The following BRINP2 variants were observed in gnomAD, a reference collection of about 807,000 sequenced individuals.
BRINP2 encodes the protein BMP/retinoic acid inducible neural specific 2.
Under a neutral mutation model 69.2 loss-of-function variants are expected in BRINP2, and 21 were observed. The ratio of observed to expected loss-of-function variants is 0.30; its 90% CI spans 0.22 to 0.44. The LOEUF is 0.44. Among genes scored for constraint, BRINP2 ranks in the 20% least tolerant of loss-of-function variants. The probability of loss-of-function intolerance (pLI) is 1.00; values close to 1 mark genes in which losing one functional copy is unlikely to be tolerated. For synonymous variants in BRINP2, 380 were observed against 394.1 expected, an observed-to-expected ratio of 0.96 and a Z score of 0.42; for missense variants, 877 against 986.0, an observed-to-expected ratio of 0.89 and a Z score of 1.48.
chr1:177,281,775 C>G lies in BRINP2; in HGVS notation c.*247C>G. ...AGGCTACAACTAAGCAGCCTCAGAT[C>G]TGTAAAGTTGATTGGTGCTTTCTAA... On this transcript the variant is annotated 3_prime_UTR_variant, in exon 8 of 8. Coordinates refer to ENST00000361539, the MANE Select transcript of BRINP2 (RefSeq NM_021165.4). 1 of 386,122 alleles carries G rather than the reference C, an allele frequency of 2.6e-6. No homozygotes were observed. The highest frequency in any genetic ancestry group is 4.6e-6 in the Non-Finnish European group (1 of 218,692). 23.9% of individuals were successfully genotyped at this position (386,122 alleles called of 1,614,324 possible).
intron 2 of BRINP2, among the ~76,000 whole-genome samples, chr1:177,236,351 A>C (rs1362377860): frequency 6.6e-6 from 1 of 152,242 alleles, no homozygotes; most frequent in African/African-American, 2.4e-5. Context: ...ACATCAGTGC[A>C]GCAGACCTAT....
intron 2 of BRINP2, among the ~76,000 whole-genome samples, chr1:177,249,795 G>A (rs1033011627): frequency 1.3e-5 from 2 of 152,144 alleles, no homozygotes; most frequent in Non-Finnish European, 2.9e-5. Context: ...TTGCCTCTGA[G>A]GTTTGCAGAT....
intron 3 of BRINP2, chr1:177,256,549 T>C (rs1033254834): frequency 1.0e-6 from 1 of 985,394 alleles, no homozygotes; most frequent in African/African-American, 1.7e-5. Context: ...ACTCCAGTAG[T>C]TCTGGGCTGA....
Position 177,280,835 on chromosome 1 carries a change from C to T in BRINP2, c.1659C>T (p.Thr553=). The T allele has an allele frequency of 6.2e-7, 1 of 1,613,988 alleles. No individual in the cohort carries two copies. Among genetic ancestry groups the T allele is most frequent in the South Asian group, 1.1e-5 (1 of 91,054 alleles). ...CCTGGAGGAAGCGCATGCTGCTCAC[C>T]CTGAAGAGCAACAAGTACAAGCCTG... is the stretch of plus-strand genomic sequence containing the variant. ...DPSWRKRMLL[T]LKSNKYKPGL... is the part of the protein sequence containing the mutation. Residue 553 remains threonine, a synonymous_variant, in exon 8 of 8, where the codon ACC becomes ACT. Transcript: ENST00000361539.
chr1:177,281,552 G>A lies in BRINP2; in HGVS notation c.*24G>A, dbSNP rs114943643. On this transcript the variant is annotated 3_prime_UTR_variant, in exon 8 of 8. Transcript: ENST00000361539. ...AATGGGCGGCCCACTTCAGCACTGG[G>A]CAAGGAGGGGATCCATGAATCTGGG... 1,522 of 1,562,006 alleles carry A rather than the reference G, an allele frequency of 9.7e-4. 12 individuals carry two copies. The African/African-American group carries it at 0.019, about 20-fold the overall frequency.
At chr1:177,201,130 A>G (rs975326597) in intron 1 of BRINP2, among the ~76,000 whole-genome samples, 9 of 152,150 alleles carry the variant, frequency 5.9e-5, no homozygotes, top group African/African-American at 1.7e-4. Context: ...GAAATCACCA[A>G]TGAAGAACTT....
At chr1:177,236,126 A>T (rs1650014927) in intron 2 of BRINP2, among the ~76,000 whole-genome samples, 1 of 152,184 alleles carries the variant, frequency 6.6e-6, no homozygotes, top group African/African-American at 2.4e-5. Context: ...GACAGAACAA[A>T]ATGTTTAGAG....
intron 1 of BRINP2, among the ~76,000 whole-genome samples, chr1:177,211,056 C>A (rs944271780): frequency 1.2e-4 from 18 of 150,854 alleles, no homozygotes; most frequent in Non-Finnish European, 1.6e-4. Flanking sequence ...TATTGCACCA[C>A]CCTGGATACA....
chr1:177,234,609 T>C (rs1307947636), intron 2 of BRINP2, among the ~76,000 whole-genome samples: 1 of 152,128 alleles, frequency 6.6e-6, no homozygotes, highest in African/African-American at 2.4e-5. Flanking sequence ...AAAGAATACA[T>C]TAACATTGAG....
chr1:177,187,642 C>T (rs1571886657), intron 1 of BRINP2, among the ~76,000 whole-genome samples: 1 of 152,100 alleles, frequency 6.6e-6, no homozygotes, highest in South Asian at 2.1e-4. Context: ...TCATGAAGGC[C>T]GCTCAACCAC....
intron 1 of BRINP2, among the ~76,000 whole-genome samples, chr1:177,225,208 A>AT (rs1178277124): frequency 7.2e-5 from 11 of 152,074 alleles, no homozygotes; most frequent in African/African-American, 1.4e-4. Flanking sequence ...TCTATATATG[A>AT]TTTTTTCCAT....
intron 1 of BRINP2, among the ~76,000 whole-genome samples, chr1:177,212,890 T>G (rs1649269194): frequency 6.6e-6 from 1 of 152,220 alleles, no homozygotes; most frequent in African/African-American, 2.4e-5. Context: ...AACCAAGATC[T>G]TGAAGCTAGG....
chr1:177,213,890 T>A (rs1649298891), intron 1 of BRINP2, among the ~76,000 whole-genome samples: 1 of 152,246 alleles, frequency 6.6e-6, no homozygotes, highest in Admixed American at 6.5e-5. Flanking sequence ...GAGTAGATAT[T>A]TTTTTAACTT....
chr1:177,264,995 A>C (rs917597782), intron 4 of BRINP2, among the ~76,000 whole-genome samples: 2 of 152,224 alleles, frequency 1.3e-5, no homozygotes, highest in African/African-American at 4.8e-5. Flanking sequence ...CCGCGTAGCC[A>C]AGACAATCCT....
At chr1:177,175,369 G>C (rs1389968479) in intron 1 of BRINP2, among the ~76,000 whole-genome samples, 1 of 152,174 alleles carries the variant, frequency 6.6e-6, no homozygotes, top group African/African-American at 2.4e-5. Flanking sequence ...AGAGGGGAGA[G>C]GCAGCCTGCC....
intron 2 of BRINP2, among the ~76,000 whole-genome samples, chr1:177,255,295 A>T (rs1369352835): frequency 6.6e-6 from 1 of 151,990 alleles, no homozygotes; most frequent in Non-Finnish European, 1.5e-5. Context: ...TGTCATGAAA[A>T]TGTTATGTTA....
chr1:177,188,572 T>C (rs1015080981), intron 1 of BRINP2, among the ~76,000 whole-genome samples: 9 of 152,166 alleles, frequency 5.9e-5, no homozygotes, highest in Non-Finnish European at 1.2e-4. Flanking sequence ...GTTGGGAGGA[T>C]GAGCCATGTG....
At position 177,184,765 on chromosome 1, in the gene BRINP2, C is replaced by A. The variant is rs563528097; in HGVS notation, c.-77+13033C>A. 4.0e-5 allele frequency among the ~76,000 whole-genome samples: 6 copies of A among 151,664 alleles called. No homozygotes were observed. In the East Asian group the frequency reaches 1.2e-3, roughly 29 times the overall value. On this transcript the variant is annotated intron_variant, in intron 1 of 7. Transcript: ENST00000361539. ...AAAAACCCCAATACCTCATCGTCTACCCCACCACACCCATTTCCATTAAAA... is the reference window on the plus strand; with the variant it reads ...AAAAACCCCAATACCTCATCGTCTAACCCACCACACCCATTTCCATTAAAA...
chr1:177,258,198 C>T (rs972904257), intron 4 of BRINP2, among the ~76,000 whole-genome samples: 2 of 152,144 alleles, frequency 1.3e-5, no homozygotes, highest in African/African-American at 4.8e-5. Context: ...TAGTAAAGTT[C>T]ATGTTGTTTT....
Sources: gnomAD v4.1 joint callset for allele counts (sites outside exome capture counted in the v4.1 genomes callset) on GRCh38, gnomAD v4.1.1 for gene constraint, MANE v1.5 for transcripts, NCBI Gene and HGNC (gene_info 2026-07-23, HGNC 2026-07-21) for gene names.